Variants in GNG4 observed in about 807,000 individuals in gnomAD.
The protein encoded by GNG4 is guanine nucleotide-binding protein G(I)/G(S)/G(O) subunit gamma-4.
GNG4 carries 4 observed loss-of-function variants against 5.8 expected under a neutral mutation model. The ratio of observed to expected loss-of-function variants is 0.69; its 90% CI spans 0.34 to 1.57. GNG4 has a LOEUF of 1.57. GNG4 is among the 40% of genes most tolerant of loss of function. The pLI is 0.06. For synonymous variants in GNG4, 29 were observed against 32.9 expected (o/e 0.88, Z 0.41); for missense variants, 96 against 95.1 (o/e 1.01, Z -0.04).
At chr1:235,627,898 G>C (rs1688849449) in intron 1 of GNG4, among the ~76,000 whole-genome samples, 1 of 151,972 alleles carries the variant, frequency 6.6e-6, no homozygotes. Flanking sequence ...TACAGATATG[G>C]GGCCGGGCGT....
At chr1:235,569,648 T>C (rs1168412028) in intron 3 of GNG4, among the ~76,000 whole-genome samples, 1 of 151,704 alleles carries the variant, frequency 6.6e-6, no homozygotes, top group African/African-American at 2.4e-5. Context: ...GAAGCAGTGT[T>C]TGAACGCCTC....
chr1:235,628,993 ATTTTTTT>A (rs1054950474), intron 1 of GNG4, among the ~76,000 whole-genome samples: 65 of 118,364 alleles, frequency 5.5e-4, no homozygotes, highest in African/African-American at 1.8e-3. Flanking sequence ...ATTTGCTTGA[ATTTTTTT>A]TTTTTTTTTT....
intron 3 of GNG4, among the ~76,000 whole-genome samples, chr1:235,556,419 G>T: frequency 6.6e-6 from 1 of 151,866 alleles, no homozygotes; most frequent in East Asian, 2.0e-4. Flanking sequence ...TTAGCTGGGC[G>T]TGGTGGCCCA....
chr1:235,557,313 C>G (rs554295977), intron 3 of GNG4, among the ~76,000 whole-genome samples: 5 of 152,246 alleles, frequency 3.3e-5, no homozygotes, highest in African/African-American at 7.2e-5. Context: ...CCAGTGCACA[C>G]GAGGAGAGAT....
At chr1:235,575,143 TGTCA>T (rs1687446388) in intron 3 of GNG4, among the ~76,000 whole-genome samples, 1 of 152,162 alleles carries the variant, frequency 6.6e-6, no homozygotes, top group Non-Finnish European at 1.5e-5. Context: ...TTTTCTTTGA[TGTCA>T]GTATCTTTCT....
At chr1:235,601,927 T>C (rs1022077494) in intron 1 of GNG4, among the ~76,000 whole-genome samples, 1 of 151,994 alleles carries the variant, frequency 6.6e-6, no homozygotes, top group Non-Finnish European at 1.5e-5. Context: ...CAATGTCCCC[T>C]GGGAACGTGT....
At chr1:235,600,419 T>C (rs958988436) in intron 1 of GNG4, among the ~76,000 whole-genome samples, 2 of 95,470 alleles carry the variant, frequency 2.1e-5, no homozygotes, top group African/African-American at 9.2e-5. Context: ...CTGGCTTTTG[T>C]GTGTGTGTGT....
chr1:235,575,854 A>C (rs546109997), intron 3 of GNG4, among the ~76,000 whole-genome samples: 2 of 152,268 alleles, frequency 1.3e-5, no homozygotes, highest in South Asian at 4.1e-4. Flanking sequence ...AACCCGCCTG[A>C]GAGCCTGTGT....
chr1:235,606,566 C>T (rs749675314), intron 1 of GNG4, among the ~76,000 whole-genome samples: 6 of 152,084 alleles, frequency 3.9e-5, no homozygotes, highest in Non-Finnish European at 8.8e-5. Context: ...GGAGATGGTG[C>T]TGTGCTGTTC....
intron 3 of GNG4, among the ~76,000 whole-genome samples, chr1:235,559,488 G>A (rs1687002964): frequency 6.6e-6 from 1 of 152,048 alleles, no homozygotes; most frequent in Admixed American, 6.6e-5. Flanking sequence ...CCTAAGGGCA[G>A]TCTCTAGATA....
intron 3 of GNG4, among the ~76,000 whole-genome samples, chr1:235,578,851 A>G (rs976185879): frequency 2.2e-4 from 34 of 152,188 alleles, no homozygotes; most frequent in African/African-American, 7.5e-4. Flanking sequence ...TAATCCCAGC[A>G]CTTTGGGAGG....
intron 1 of GNG4, among the ~76,000 whole-genome samples, chr1:235,601,415 G>A (rs1253661773): frequency 2.6e-5 from 4 of 152,188 alleles, no homozygotes; most frequent in Non-Finnish European, 1.5e-5. Context: ...TGAGGGAGGC[G>A]CCCGGCTCTC....
intron 1 of GNG4, among the ~76,000 whole-genome samples, chr1:235,639,264 G>C (rs1657243537): frequency 1.3e-5 from 2 of 152,226 alleles, no homozygotes; most frequent in Non-Finnish European, 2.9e-5. Context: ...TGGGGACCAT[G>C]ATTCTACCTA....
chr1:235,638,188 T>C (rs1657187837), intron 1 of GNG4, among the ~76,000 whole-genome samples: 1 of 152,226 alleles, frequency 6.6e-6, no homozygotes, highest in Non-Finnish European at 1.5e-5. Flanking sequence ...TGCTCCTTTC[T>C]AGCTCCGGAA....
At chr1:235,618,577 G>C (rs1243491128) in intron 1 of GNG4, among the ~76,000 whole-genome samples, 1 of 152,146 alleles carries the variant, frequency 6.6e-6, no homozygotes, top group Non-Finnish European at 1.5e-5. Flanking sequence ...TTGCAGCCCA[G>C]GGGCTGTGTT....
chr1:235,588,162 G>T (rs947162834), intron 2 of GNG4, among the ~76,000 whole-genome samples: 5 of 152,030 alleles, frequency 3.3e-5, no homozygotes, highest in Admixed American at 1.3e-4. Flanking sequence ...CTCCGCAGAG[G>T]AGAGTTCTGG....
intron 3 of GNG4, among the ~76,000 whole-genome samples, chr1:235,565,008 T>C (rs943756117): frequency 3.3e-5 from 5 of 152,186 alleles, no homozygotes; most frequent in Non-Finnish European, 7.4e-5. Flanking sequence ...TAAGTTTACA[T>C]TGATTGAATA....
chr1:235,568,335 T>C (rs1390511022), intron 3 of GNG4, among the ~76,000 whole-genome samples: 1 of 152,148 alleles, frequency 6.6e-6, no homozygotes. Flanking sequence ...TGTGTGTGGA[T>C]CCAGCCATGT....
intron 2 of GNG4, among the ~76,000 whole-genome samples, chr1:235,587,626 T>G (rs1170306250): frequency 1.6e-4 from 1 of 6,118 alleles, no homozygotes. Flanking sequence ...TGTGTGAATG[T>G]GGGGTGGAGT....
Sources: gnomAD v4.1 joint callset for allele counts (sites outside exome capture counted in the v4.1 genomes callset) on GRCh38, gnomAD v4.1.1 for gene constraint, MANE v1.5 for transcripts, NCBI Gene and HGNC (gene_info 2026-07-23, HGNC 2026-07-21) for gene names.